The following AHI1 variants were observed in gnomAD, a reference collection of about 807,000 sequenced individuals.
AHI1 encodes Abelson helper integration site 1, also known as jouberin.
In AHI1, 123 loss-of-function variants were observed where a neutral mutation model predicts 149.3. The observed-to-expected ratio is 0.82, with a 90% confidence interval of 0.71 to 0.96. The LOEUF is 0.96. Among genes scored for constraint, AHI1 ranks in the 40% least tolerant of loss-of-function variants. The pLI, the probability that AHI1 is intolerant of heterozygous loss-of-function variation, is 0.00. For missense variants in AHI1, 1,439 were observed against 1,422.7 expected (o/e 1.01, Z -0.18); for synonymous variants, 475 against 459.8 (o/e 1.03, Z -0.42).
At chr6:135,343,709 A>G (rs1223625131) in intron 24 of AHI1, among the ~76,000 whole-genome samples, 1 of 151,770 alleles carries the variant, frequency 6.6e-6, no homozygotes, top group Non-Finnish European at 1.5e-5. Context: ...ATGCGAAAGA[A>G]TAAAGTTGGA....
intron 26 of AHI1, 174 bp from the exon 27 acceptor site, chr6:135,300,732 T>TCAGGACAG: frequency 8.0e-7 from 1 of 1,249,820 alleles, no homozygotes; most frequent in Non-Finnish European, 1.0e-6. Context: ...ACAATATATT[T>TCAGGACAG]GCTCCCATGA....
At chr6:135,462,164 T>C (rs981926326) in intron 8 of AHI1, among the ~76,000 whole-genome samples, 19 of 152,008 alleles carry the variant, frequency 1.2e-4, no homozygotes, top group South Asian at 1.0e-3. Context: ...ATTTTAATTA[T>C]AGAAACCACA....
Position 135,382,923 on chromosome 6 carries a change from A to AAT in AHI1, c.3109+11852_3109+11853insAT, listed in dbSNP as rs1777011738. Among the ~76,000 whole-genome samples the AAT allele has an allele frequency of 5.8e-5, 4 of 68,880 alleles. No individual in the cohort carries two copies. In the East Asian group the frequency reaches 1.4e-3, roughly 23 times the overall value. 45.2% of individuals were successfully genotyped at this position (68,880 alleles called of 152,430 possible). A position where few individuals can be genotyped will look rare whatever the true frequency, so the allele number is the denominator to read the frequency against. ...AAAAAAAAAAAAAAAAAAAAAAAAAAAAAATATATATATATATATATATAT... is the reference window on the plus strand; with the variant it reads ...AAAAAAAAAAAAAAAAAAAAAAAAAAATAAAATATATATATATATATATATAT... On this transcript the variant is annotated intron_variant, in intron 23 of 28. Coordinates refer to ENST00000265602, the MANE Select transcript of AHI1 (RefSeq NM_001134831.2).
chr6:135,408,140 AG>A (rs1454916410), intron 21 of AHI1, among the ~76,000 whole-genome samples: 1 of 152,196 alleles, frequency 6.6e-6, no homozygotes, highest in Non-Finnish European at 1.5e-5. Flanking sequence ...AAATGAAATT[AG>A]AAAAAAGCTA....
At chr6:135,453,239 T>C (rs752328110) in intron 11 of AHI1, 102 bp downstream of exon 11, 377 of 877,636 alleles carry the variant, frequency 4.3e-4, no homozygotes, top group Non-Finnish European at 5.2e-4. Flanking sequence ...AACATTACCT[T>C]AGATTCTAAT....
At chr6:135,331,803 T>C (rs1350411304) in intron 24 of AHI1, among the ~76,000 whole-genome samples, 1 of 152,238 alleles carries the variant, frequency 6.6e-6, no homozygotes, top group Non-Finnish European at 1.5e-5. Context: ...GCCAGTCTAA[T>C]AAGGCAATAT....
At chr6:135,463,393 G>T (rs1790236467) in intron 7 of AHI1, 87 bp from the exon 8 acceptor site, 1 of 1,110,254 alleles carries the variant, frequency 9.0e-7, no homozygotes, top group Admixed American at 2.5e-5. Flanking sequence ...ACAGTAAATA[G>T]GAGCAAAGAT....
intron 23 of AHI1, among the ~76,000 whole-genome samples, chr6:135,389,166 C>T (rs200384917): frequency 1.3e-5 from 2 of 151,888 alleles, no homozygotes; most frequent in Admixed American, 1.3e-4. Context: ...AAAAAATTAG[C>T]CAGGCATGGT....
intron 22 of AHI1, among the ~76,000 whole-genome samples, chr6:135,404,273 C>T (rs780546464): frequency 3.3e-5 from 5 of 152,142 alleles, no homozygotes; most frequent in Non-Finnish European, 7.4e-5. Context: ...CATAAAATAA[C>T]CTTGCTTGTA....
chr6:135,393,437 G>A (rs1778797946), intron 23 of AHI1, among the ~76,000 whole-genome samples: 1 of 152,118 alleles, frequency 6.6e-6, no homozygotes, highest in South Asian at 2.1e-4. Context: ...ACAGCTGGTA[G>A]GGATAGAGTG....
Position 135,447,010 on chromosome 6 carries a change from G to T in AHI1, c.1777C>A (p.Gln593Lys). Residue 593 changes from glutamine to lysine, a missense_variant and splice_region_variant, in exon 13 of 29, where the codon CAG (glutamine) becomes AAG (lysine). Coordinates refer to ENST00000265602, the MANE Select transcript of AHI1 (RefSeq NM_001134831.2). ...EVIKWKRLPG[Q>K]ACRIPNKHLF... ...TCCACTATTATCAAACACTTCACCT[G>T]CCCAGGGAGTCGTTTCCACTTTATT... 1 of 1,608,942 alleles carries T rather than the reference G, an allele frequency of 6.2e-7. No individual in the cohort carries two copies. The highest frequency in any genetic ancestry group is 8.5e-7 in the Non-Finnish European group (1 of 1,177,768).
At chr6:135,339,123 T>C (rs188440451) in intron 24 of AHI1, among the ~76,000 whole-genome samples, 1 of 152,082 alleles carries the variant, frequency 6.6e-6, no homozygotes, top group African/African-American at 2.4e-5. Context: ...ACTCACAGCA[T>C]GCTGTGAATG....
At chr6:135,374,283 T>C (rs1002925460) in intron 23 of AHI1, among the ~76,000 whole-genome samples, 41 of 151,324 alleles carry the variant, frequency 2.7e-4, no homozygotes, top group African/African-American at 9.5e-4. Flanking sequence ...TGGCTAATTT[T>C]TTGTATTTTT....
chr6:135,481,751 TTC>T (rs1482849705), intron 5 of AHI1, among the ~76,000 whole-genome samples: 31 of 149,520 alleles, frequency 2.1e-4, no homozygotes, highest in Non-Finnish European at 4.5e-5. Flanking sequence ...TACTGACAAA[TTC>T]TTTCAGCTTT....
rs78373702 is a variant in AHI1 at position 135,359,245 on chromosome 6, G to A, written c.3110-1058C>T. On this transcript the variant is annotated intron_variant, in intron 23 of 28. Coordinates refer to ENST00000265602, the MANE Select transcript of AHI1 (RefSeq NM_001134831.2). ...GTAACATTTATTGTTAGCCAGTGAA[G>A]TATAAAGCACTATACTACCTTCATT... Among the ~76,000 whole-genome samples, 46 of 152,270 alleles carry A rather than the reference G, an allele frequency of 3.0e-4. 1 individual carries two copies. The East Asian group carries it at 8.5e-3, about 28-fold the overall frequency.
chr6:135,482,040 G>T (rs1793734407), intron 5 of AHI1, among the ~76,000 whole-genome samples: 1 of 151,806 alleles, frequency 6.6e-6, no homozygotes, highest in Non-Finnish European at 1.5e-5. Context: ...ACTGTAGTAT[G>T]ATTTTTTCAT....
chr6:135,334,883 C>T (rs1488569462), intron 24 of AHI1, among the ~76,000 whole-genome samples: 2 of 152,112 alleles, frequency 1.3e-5, no homozygotes, highest in African/African-American at 4.8e-5. Context: ...ATTCTTGGGC[C>T]CTATTCCAAA....
intron 23 of AHI1, among the ~76,000 whole-genome samples, chr6:135,381,163 C>T (rs891935234): frequency 6.6e-6 from 1 of 151,804 alleles, no homozygotes; most frequent in African/African-American, 2.4e-5. Flanking sequence ...AACATTATGC[C>T]TCATAATGTC....
At chr6:135,340,481 T>C (rs1790126244) in intron 24 of AHI1, among the ~76,000 whole-genome samples, 1 of 151,178 alleles carries the variant, frequency 6.6e-6, no homozygotes. Flanking sequence ...CATTGCAAGA[T>C]AACTGATAAT....
Sources: gnomAD v4.1 joint callset for allele counts (sites outside exome capture counted in the v4.1 genomes callset) on GRCh38, gnomAD v4.1.1 for gene constraint, MANE v1.5 for transcripts, NCBI Gene and HGNC (gene_info 2026-07-23, HGNC 2026-07-21) for gene names.